Variants in ITSN1 observed in about 807,000 individuals in gnomAD.
ITSN1 encodes the protein intersectin-1.
Under a neutral mutation model 239.8 loss-of-function variants are expected in ITSN1, and 58 were observed. That is an observed-to-expected ratio of 0.24 (90% CI 0.20 to 0.30). ITSN1 has a LOEUF of 0.30. ITSN1 is among the 10% of genes least tolerant of loss of function. ITSN1 has a pLI of 1.00. For missense variants in ITSN1, 1,558 were observed against 2,103.3 expected (o/e 0.74, Z 5.07); for synonymous variants, 780 against 770.8 (o/e 1.01, Z -0.20).
chr21:33,796,534 G>A (rs960263366), intron 17 of ITSN1, among the ~76,000 whole-genome samples: 6 of 152,268 alleles, frequency 3.9e-5, no homozygotes, highest in East Asian at 1.9e-4. Flanking sequence ...ACCTGTGTGC[G>A]TTAGCCATGT....
At position 33,826,810 on chromosome 21, in the gene ITSN1, G is replaced by A. The variant is rs2073999422; in HGVS notation, c.3184-8G>A. 1 of 1,613,634 alleles carries A rather than the reference G, an allele frequency of 6.2e-7. No homozygotes were observed. The highest frequency in any genetic ancestry group is 8.5e-7 in the Non-Finnish European group (1 of 1,179,618). ...GCATGCAAATGAGACCTTTTGCTCT[G>A]TTTTAAGGGCTCTGGAACTGCTGGG... is the stretch of plus-strand genomic sequence containing the variant. On this transcript the variant is annotated splice_region_variant and splice_polypyrimidine_tract_variant and intron_variant, in intron 25 of 39. Transcript: ENST00000381318.
chr21:33,750,005 G>A (rs2067440251), intron 5 of ITSN1, 138 bp from the exon 6 acceptor site: 1 of 792,844 alleles, frequency 1.3e-6, no homozygotes, highest in South Asian at 1.7e-5. Flanking sequence ...TCTTTAAAAT[G>A]ATTAACTTGA....
chr21:33,644,250 A>G (rs949920790), intron 1 of ITSN1, among the ~76,000 whole-genome samples: 1 of 152,204 alleles, frequency 6.6e-6, no homozygotes, highest in Non-Finnish European at 1.5e-5. Flanking sequence ...AAAAACATTG[A>G]AAAATACATA....
chr21:33,738,307 C>A (rs936740563), intron 5 of ITSN1, among the ~76,000 whole-genome samples: 4 of 152,144 alleles, frequency 2.6e-5, no homozygotes, highest in Admixed American at 2.0e-4. Flanking sequence ...ACTGTATTAG[C>A]CCTGTTATAT....
chr21:33,803,219 C>T (rs2072145747), intron 20 of ITSN1, among the ~76,000 whole-genome samples: 1 of 152,196 alleles, frequency 6.6e-6, no homozygotes. Context: ...ACATTGTTAG[C>T]ATGGTTGTAT....
At chr21:33,856,399 T>A (rs1472999864) in intron 29 of ITSN1, among the ~76,000 whole-genome samples, 1 of 152,040 alleles carries the variant, frequency 6.6e-6, no homozygotes, top group Non-Finnish European at 1.5e-5. Flanking sequence ...GGGCTCGGGG[T>A]GTGTCTTGGT....
chr21:33,720,457 A>T lies in ITSN1; in HGVS notation c.29-721A>T, dbSNP rs149344462. Among the ~76,000 whole-genome samples, 447 of 152,298 alleles carry T rather than the reference A, an allele frequency of 2.9e-3. 3 individuals are homozygous for T. Among genetic ancestry groups the T allele is most frequent in the African/African-American group, 0.01 (421 of 41,574 alleles). ...GAGACCTAGGACTAAAGTCTGCAAG[A>T]TCTCAGTCGTGAGTGGACATCTAGT... On this transcript the variant is annotated intron_variant, in intron 2 of 39. Transcript: ENST00000381318.
At chr21:33,817,520 A>G in intron 22 of ITSN1, 3 of 1,304,370 alleles carry the variant, frequency 2.3e-6, no homozygotes, top group Non-Finnish European at 3.0e-6. Flanking sequence ...TTTTTAGTAT[A>G]TTTCATTCTG....
chr21:33,833,596 G>A (rs1243997966), intron 27 of ITSN1, among the ~76,000 whole-genome samples: 2 of 152,212 alleles, frequency 1.3e-5, no homozygotes, highest in Non-Finnish European at 2.9e-5. Context: ...GGCCGGGCGC[G>A]GTGGCGCACG....
At chr21:33,648,676 C>CA (rs1046073839) in intron 1 of ITSN1, among the ~76,000 whole-genome samples, 4 of 152,012 alleles carry the variant, frequency 2.6e-5, no homozygotes, top group African/African-American at 7.3e-5. Flanking sequence ...CAAGACCCTA[C>CA]AAAAAATTTT....
intron 25 of ITSN1, 41 bp downstream of exon 25, chr21:33,823,694 T>C (rs368310045): frequency 4.5e-5 from 70 of 1,570,968 alleles, no homozygotes; most frequent in Admixed American, 7.2e-5. Flanking sequence ...TTCTGTGCGG[T>C]GATTCTCTTT....
intron 5 of ITSN1, among the ~76,000 whole-genome samples, chr21:33,743,586 C>T (rs1280492043): frequency 6.6e-6 from 1 of 152,078 alleles, no homozygotes; most frequent in African/African-American, 2.4e-5. Context: ...AAAACTAAAC[C>T]AATGGAATAG....
intron 29 of ITSN1, among the ~76,000 whole-genome samples, chr21:33,851,325 A>G (rs1008372431): frequency 6.6e-6 from 1 of 152,038 alleles, no homozygotes; most frequent in Non-Finnish European, 1.5e-5. Flanking sequence ...TCCCCTTAGC[A>G]CGAGGAGTTG....
In ITSN1 at chr21:33,897,770, G is replaced by A. The variant is rs1003766651; in HGVS notation, c.*9470G>A. 9.2e-5 allele frequency: 14 copies of A among 152,040 alleles called. No homozygotes were observed. The highest frequency in any genetic ancestry group is 1.9e-4 in the Non-Finnish European group (13 of 68,006). The allele number at this position is 152,040 out of a possible 1,614,324, so 9.4% of individuals were successfully genotyped here. ...AGTATTTTAGGAATCTAATTTAAGT[G>A]CATAAAACTATAGAAAAAAATTTAA... On this transcript the variant is annotated 3_prime_UTR_variant, in exon 40 of 40. Transcript: ENST00000381318.
At chr21:33,647,759 G>A (rs887483575) in intron 1 of ITSN1, among the ~76,000 whole-genome samples, 5 of 152,148 alleles carry the variant, frequency 3.3e-5, no homozygotes, top group Non-Finnish European at 7.3e-5. Flanking sequence ...GCCTCCCAAA[G>A]TGCTGGGATC....
At chr21:33,844,326 A>G (rs969354528) in intron 29 of ITSN1, among the ~76,000 whole-genome samples, 1 of 152,182 alleles carries the variant, frequency 6.6e-6, no homozygotes, top group Non-Finnish European at 1.5e-5. Flanking sequence ...CACCAGGGAA[A>G]ATGGAATGTG....
chr21:33,692,745 G>T (rs150400154), intron 1 of ITSN1, among the ~76,000 whole-genome samples: 50 of 151,978 alleles, frequency 3.3e-4, no homozygotes, highest in Non-Finnish European at 4.9e-4. Flanking sequence ...GAACATAAAA[G>T]ATAATTTTAA....
In ITSN1 at chr21:33,776,777, T is replaced by C. The variant is rs983471021; in HGVS notation, c.1596+1669T>C. 2.7e-5 allele frequency among the ~76,000 whole-genome samples: 4 copies of C among 150,432 alleles called. No individual in the cohort carries two copies. In the East Asian group the frequency reaches 7.7e-4, roughly 29 times the overall value. On this transcript the variant is annotated intron_variant, in intron 14 of 39. Coordinates refer to ENST00000381318, the MANE Select transcript of ITSN1 (RefSeq NM_003024.3). Reference sequence around the variant, plus strand: ...TTTTATTGGGCTGTTTGTCTTACTATTTACTTGTAAAAGTTCTTTTTATAT... The same window carrying C: ...TTTTATTGGGCTGTTTGTCTTACTACTTACTTGTAAAAGTTCTTTTTATAT...
intron 30 of ITSN1, among the ~76,000 whole-genome samples, chr21:33,857,641 T>C (rs1340638499): frequency 6.6e-6 from 1 of 152,140 alleles, no homozygotes; most frequent in Non-Finnish European, 1.5e-5. Flanking sequence ...TCGCCGCTGT[T>C]GGAGGAGTAC....
Sources: allele counts gnomAD v4.1 joint callset (sites outside exome capture counted in the v4.1 genomes callset), GRCh38; gene constraint gnomAD v4.1.1; transcripts MANE v1.5; gene names NCBI Gene and HGNC (gene_info 2026-07-23, HGNC 2026-07-21).